TUBB6: variants seen among roughly 807,000 people sequenced by gnomAD.
TUBB6 encodes the protein tubulin beta-6 chain.
Under a neutral mutation model 32.3 loss-of-function variants are expected in TUBB6, and 18 were observed. The observed-to-expected ratio is 0.56, with a 90% confidence interval of 0.39 to 0.83. The LOEUF (loss-of-function observed/expected upper bound fraction) is 0.83. Ranked by LOEUF, TUBB6 falls within the 40% of genes least tolerant of loss-of-function variation. The pLI is 0.00. For synonymous variants in TUBB6, 280 were observed against 265.8 expected, an observed-to-expected ratio of 1.05 and a Z score of -0.52; for missense variants, 480 against 632.0, an observed-to-expected ratio of 0.76 and a Z score of 2.58.
chr18:12,308,454 G>A, intron 1 of TUBB6, 105 bp downstream of exon 1: 1 of 990,666 alleles, frequency 1.0e-6, no homozygotes, highest in Non-Finnish European at 1.3e-6. Flanking sequence ...TGCGCCCCTG[G>A]GTCCTCGGAG....
In TUBB6 at chr18:12,308,314, C is replaced by T; in HGVS notation, c.22C>T (p.Gln8Ter). 1 of 1,482,900 alleles carries T rather than the reference C, an allele frequency of 6.7e-7. No homozygotes were observed. Among genetic ancestry groups the T allele is most frequent in the Admixed American group, 2.1e-5 (1 of 48,446 alleles). The allele number at this position is 1,482,900 out of a possible 1,614,324, so 91.9% of individuals were successfully genotyped here. A position where few individuals can be genotyped will look rare whatever the true frequency, so the allele number is the denominator to read the frequency against. Residue 8 changes from glutamine (Q) to a stop codon, truncating the protein, a stop_gained, in exon 1 of 4, where the codon CAG (glutamine) becomes TAG (stop). Transcript: ENST00000317702. LOFTEE classifies it high-confidence loss of function. ...CGCCATGAGGGAGATCGTGCACATC[C>T]AGGCGGGCCAGTGCGGGAACCAGAT... MREIVHI[Q>*]AGQCGNQIGT...
upstream of TUBB6, chr18:12,307,725 G>C (rs1447951963): frequency 6.6e-6 from 1 of 151,796 alleles, no homozygotes; most frequent in East Asian, 1.9e-4. Context: ...AATGGCCTCT[G>C]TATCTCCGGA....
In TUBB6 at chr18:12,308,759, C is replaced by A; in HGVS notation, c.130C>A (p.Leu44Met). 1 of 1,612,594 alleles carries A rather than the reference C, an allele frequency of 6.2e-7. No homozygotes were observed. The highest frequency in any genetic ancestry group is 8.5e-7 in the Non-Finnish European group (1 of 1,178,872). The change falls in exon 2 of 4, where the codon CTG becomes ATG. Residue 44 changes from leucine to methionine, a missense_variant. Leu to Met is a conservative substitution (Grantham distance 15). Transcript: ENST00000317702. ...GGYVGDSALQLERINVYYNES... is the reference protein window; with the variant it reads ...GGYVGDSALQMERINVYYNES... ...CTACGTGGGAGACTCGGCGCTGCAGCTGGAGAGAATCAACGTCTACTACAA... is the reference window on the plus strand; with the variant it reads ...CTACGTGGGAGACTCGGCGCTGCAGATGGAGAGAATCAACGTCTACTACAA...
rs756039361 is a variant in TUBB6 at position 12,325,195 on chromosome 18, A to G, written c.406A>G (p.Thr136Ala). The change falls in exon 4 of 4, where the codon ACG (threonine) becomes GCG (alanine). Residue 136 changes from threonine to alanine, a missense_variant. By Grantham distance (58) the Thr-to-Ala change is moderately conservative. Coordinates refer to ENST00000317702, the MANE Select transcript of TUBB6 (RefSeq NM_032525.3). ...HCDCLQGFQL[T>A]HSLGGGTGSG... ...CGACTGCCTGCAGGGCTTCCAGCTC[A>G]CGCACTCGCTGGGCGGCGGCACGGG... is the stretch of plus-strand genomic sequence containing the variant. The G allele has an allele frequency of 3.1e-6, 5 of 1,614,086 alleles. No homozygotes were observed. The highest frequency in any genetic ancestry group is 2.5e-6 in the Non-Finnish European group (3 of 1,180,002).
At chr18:12,314,235 ACC>A (rs200225445) in intron 3 of TUBB6, among the ~76,000 whole-genome samples, 1 of 150,680 alleles carries the variant, frequency 6.6e-6, no homozygotes, top group African/African-American at 2.4e-5. Flanking sequence ...GAAATGAAGG[ACC>A]CCCCCCAAGC....
At chr18:12,318,058 CTA>C (rs1568122869) in intron 3 of TUBB6, among the ~76,000 whole-genome samples, 2 of 152,110 alleles carry the variant, frequency 1.3e-5, no homozygotes, top group Non-Finnish European at 2.9e-5. Context: ...GATTGGGGTT[CTA>C]TGTTTGCCAA....
intron 2 of TUBB6, 42 bp from the exon 3 acceptor site, chr18:12,310,901 A>T (rs1465627592): frequency 1.4e-6 from 2 of 1,433,346 alleles, no homozygotes; most frequent in Non-Finnish European, 1.9e-6. Context: ...TTACTTTAGA[A>T]ACCTGAAAGT....
At chr18:12,311,177 C>A in intron 3 of TUBB6, 124 bp downstream of exon 3, 1 of 792,396 alleles carries the variant, frequency 1.3e-6, no homozygotes, top group Non-Finnish European at 2.0e-6. Context: ...TGGTTCCCAG[C>A]CCCACCCCTC....
At chr18:12,310,130 A>C (rs752841136) in intron 2 of TUBB6, among the ~76,000 whole-genome samples, 1 of 152,160 alleles carries the variant, frequency 6.6e-6, no homozygotes, top group Non-Finnish European at 1.5e-5. Flanking sequence ...CTGCCAGGTC[A>C]TGCCTGGACT....
At chr18:12,313,937 G>C (rs548469570) in intron 3 of TUBB6, among the ~76,000 whole-genome samples, 30 of 152,210 alleles carry the variant, frequency 2.0e-4, no homozygotes, top group Non-Finnish European at 3.4e-4. Flanking sequence ...ACTGCTCTCT[G>C]AGTACTGTAA....
intron 3 of TUBB6, chr18:12,311,283 T>C (rs1906369317): frequency 1.0e-5 from 4 of 397,698 alleles, no homozygotes; most frequent in South Asian, 7.5e-5. Context: ...GAAATTCTTC[T>C]ACTGGTAGTT....
At chr18:12,313,187 GA>G (rs1255797328) in intron 3 of TUBB6, among the ~76,000 whole-genome samples, 2 of 152,086 alleles carry the variant, frequency 1.3e-5, no homozygotes, top group Admixed American at 1.3e-4. Flanking sequence ...ATAAGAAACA[GA>G]TGTCCATTGT....
chr18:12,325,793 G>C lies in TUBB6; in HGVS notation c.1004G>C (p.Ser335Thr), dbSNP rs1173540116. The change falls in exon 4 of 4, where the codon AGT becomes ACT. Residue 335 changes from serine to threonine, a missense_variant. Ser to Thr is a moderately conservative substitution (Grantham distance 58). Transcript: ENST00000317702. ...GACGAGCAGATGCTGGCCATCCAGA[G>C]TAAGAACAGCAGCTACTTCGTGGAG... ...EVDEQMLAIQ[S>T]KNSSYFVEWI... 3.1e-6 allele frequency: 5 copies of C among 1,614,260 alleles called. No homozygotes were observed.
rs1021952742 is a variant in TUBB6, at chr18:12,312,661, G to T, written c.277+1608G>T. Among the ~76,000 whole-genome samples, 6 of 150,210 alleles carry T rather than the reference G, an allele frequency of 4.0e-5. No homozygotes were observed. The South Asian group carries it at 8.3e-4, about 21-fold the overall frequency. On this transcript the variant is annotated intron_variant, in intron 3 of 3. Transcript: ENST00000317702. Reference sequence around the variant, plus strand: ...CTTAATAGATGACCCAAAAAAGTGGGTTTTTTTTCTGACTCCCAGCAGGAA... The same window carrying T: ...CTTAATAGATGACCCAAAAAAGTGGTTTTTTTTTCTGACTCCCAGCAGGAA...
chr18:12,329,220 C>T (rs773895356), downstream of TUBB6: 11 of 702,842 alleles, frequency 1.6e-5, no homozygotes, highest in East Asian at 8.0e-5. Context: ...CCTTCCCACA[C>T]GCCAAGAGTC....
intron 3 of TUBB6, chr18:12,324,713 A>G (rs1401516343): frequency 1.7e-6 from 2 of 1,155,240 alleles, no homozygotes; most frequent in Non-Finnish European, 2.2e-6. Flanking sequence ...GGCCTCCCAA[A>G]GTGCTGGGAT....
Position 12,326,422 on chromosome 18 carries a change from G to C in TUBB6, c.*292G>C, listed in dbSNP as rs1311053945. On this transcript the variant is annotated 3_prime_UTR_variant, in exon 4 of 4. Transcript: ENST00000317702. Reference sequence around the variant, plus strand: ...ACTTCACCTTCCATTAAGTGTTCAAGCATGTCTGCAAATTAGGAGGGAGTT... The same window carrying C: ...ACTTCACCTTCCATTAAGTGTTCAACCATGTCTGCAAATTAGGAGGGAGTT... The C allele has an allele frequency of 2.1e-5, 8 of 380,834 alleles. No individual in the cohort carries two copies. The highest frequency in any genetic ancestry group is 3.8e-5 in the Non-Finnish European group (8 of 212,752). 23.6% of individuals were successfully genotyped at this position (380,834 alleles called of 1,614,324 possible). A position where few individuals can be genotyped will look rare whatever the true frequency, so the allele number is the denominator to read the frequency against.
At chr18:12,312,465 C>G (rs1048375169) in intron 3 of TUBB6, among the ~76,000 whole-genome samples, 2 of 152,122 alleles carry the variant, frequency 1.3e-5, no homozygotes, top group Non-Finnish European at 2.9e-5. Flanking sequence ...TTACTTGTGA[C>G]TTAATTTCCT....
downstream of TUBB6, chr18:12,329,521 C>T: frequency 1.3e-6 from 2 of 1,588,560 alleles, no homozygotes; most frequent in Admixed American, 3.3e-5. Flanking sequence ...AATGCACCAG[C>T]TGAAACCACA....
Sources: gnomAD v4.1 joint callset for allele counts (sites outside exome capture counted in the v4.1 genomes callset) on GRCh38, gnomAD v4.1.1 for gene constraint, MANE v1.5 for transcripts, NCBI Gene and HGNC (gene_info 2026-07-23, HGNC 2026-07-21) for gene names.